Variants in ABCD2 observed in about 807,000 individuals in gnomAD.
ABCD2 encodes the protein ATP-binding cassette sub-family D member 2.
ABCD2 carries 36 observed loss-of-function variants against 70.9 expected under a neutral mutation model. The ratio of observed to expected loss-of-function variants is 0.51; its 90% CI spans 0.39 to 0.67. The LOEUF is 0.67. ABCD2 is among the 30% of genes least tolerant of loss of function. ABCD2 has a pLI of 0.00. For missense variants in ABCD2, 729 were observed against 890.2 expected (o/e 0.82, Z 2.30); for synonymous variants, 304 against 306.9 (o/e 0.99, Z 0.10).
chr12:39,607,476 C>A (rs1019522705), intron 3 of ABCD2, 123 bp downstream of exon 3: 3 of 708,004 alleles, frequency 4.2e-6, no homozygotes, highest in Admixed American at 5.5e-5. Context: ...CTTGATTATA[C>A]GCAGCAATTT....
the ABCD2 span, among the ~76,000 whole-genome samples, chr12:39,538,895 T>A: frequency 6.6e-6 from 1 of 152,120 alleles, no homozygotes; most frequent in Non-Finnish European, 1.5e-5. Flanking sequence ...TATGTAGCAG[T>A]CAGGTCAGAC....
intron 1 of ABCD2, among the ~76,000 whole-genome samples, chr12:39,618,398 T>C (rs2120797978): frequency 6.6e-6 from 1 of 152,316 alleles, no homozygotes; most frequent in Admixed American, 6.5e-5. Context: ...TTAGAAATAA[T>C]TCTGAGCATA....
intron 9 of ABCD2, among the ~76,000 whole-genome samples, chr12:39,564,244 A>G (rs1177376882): frequency 1.3e-5 from 2 of 152,194 alleles, no homozygotes; most frequent in Non-Finnish European, 2.9e-5. Context: ...AGTCCCACCA[A>G]CAGTGTAAAA....
chr12:39,566,489 T>C (rs1025155176), intron 9 of ABCD2, among the ~76,000 whole-genome samples: 4 of 152,242 alleles, frequency 2.6e-5, no homozygotes, highest in African/African-American at 7.2e-5. Context: ...CCTTTATCAT[T>C]TTTTATTGCA....
chr12:39,614,492 TC>T (rs549951452), intron 2 of ABCD2, among the ~76,000 whole-genome samples: 71 of 151,854 alleles, frequency 4.7e-4, no homozygotes, highest in Admixed American at 3.5e-3. Context: ...ATCCTCTTTT[TC>T]CCCCCTCTAC....
At chr12:39,568,008 T>G (rs893397234) in intron 9 of ABCD2, among the ~76,000 whole-genome samples, 4 of 151,924 alleles carry the variant, frequency 2.6e-5, no homozygotes, top group Admixed American at 6.6e-5. Context: ...GTTAGTCTGA[T>G]GGGCTTCCCT....
chr12:39,531,085 T>C, the ABCD2 span, among the ~76,000 whole-genome samples: 1 of 152,316 alleles, frequency 6.6e-6, no homozygotes, highest in Non-Finnish European at 1.5e-5. Context: ...TTTATCAAGC[T>C]TCAATTCCAG....
intron 9 of ABCD2, among the ~76,000 whole-genome samples, chr12:39,571,143 A>G (rs1045460785): frequency 6.6e-6 from 1 of 152,200 alleles, no homozygotes; most frequent in African/African-American, 2.4e-5. Context: ...TAGTATAGCC[A>G]TCATGGAAAA....
At chr12:39,562,532 G>A (rs949461643) in intron 9 of ABCD2, among the ~76,000 whole-genome samples, 1 of 151,916 alleles carries the variant, frequency 6.6e-6, no homozygotes, top group African/African-American at 2.4e-5. Context: ...GAAATACAAA[G>A]AATGATGAGA....
chr12:39,538,175 T>C, the ABCD2 span, among the ~76,000 whole-genome samples: 18 of 149,082 alleles, frequency 1.2e-4, no homozygotes, highest in East Asian at 2.0e-3. Flanking sequence ...TTCTTTCTTT[T>C]TTTTTTTTTT....
chr12:39,538,405 C>T, the ABCD2 span, among the ~76,000 whole-genome samples: 1 of 152,030 alleles, frequency 6.6e-6, no homozygotes, highest in Non-Finnish European at 1.5e-5. Flanking sequence ...AAACTCCTGG[C>T]CCCAAGTCAT....
intron 2 of ABCD2, among the ~76,000 whole-genome samples, chr12:39,608,040 T>A (rs1441768869): frequency 6.6e-6 from 1 of 152,036 alleles, no homozygotes; most frequent in East Asian, 1.9e-4. Flanking sequence ...TGGTGGCGCA[T>A]GCTTGTAGTC....
chr12:39,592,595 T>C (rs141566389), intron 6 of ABCD2, among the ~76,000 whole-genome samples: 2 of 152,348 alleles, frequency 1.3e-5, no homozygotes, highest in South Asian at 2.1e-4. Context: ...CCCAAAGCCA[T>C]ATTTCTTTGC....
At chr12:39,590,868 T>C (rs967166625) in intron 6 of ABCD2, among the ~76,000 whole-genome samples, 2 of 152,144 alleles carry the variant, frequency 1.3e-5, no homozygotes, top group Admixed American at 1.3e-4. Context: ...GCTGTATCTA[T>C]GTGCTTGGAG....
intron 2 of ABCD2, 92 bp downstream of exon 2, chr12:39,616,896 G>T: frequency 8.5e-7 from 1 of 1,170,338 alleles, no homozygotes. Context: ...ATATGACCAT[G>T]TACACAGTTT....
chr12:39,593,784 G>A (rs1370520197), intron 6 of ABCD2, among the ~76,000 whole-genome samples: 7 of 152,028 alleles, frequency 4.6e-5, no homozygotes, highest in Admixed American at 6.6e-5. Context: ...AGGTTTGCTT[G>A]TTTTATATCT....
chr12:39,535,859 G>A, the ABCD2 span, among the ~76,000 whole-genome samples: 1 of 152,096 alleles, frequency 6.6e-6, no homozygotes, highest in African/African-American at 2.4e-5. Flanking sequence ...ATAAAGAAAT[G>A]AGGCCAGGCG....
intron 9 of ABCD2, 114 bp downstream of exon 9, chr12:39,573,602 G>A: frequency 8.8e-7 from 1 of 1,132,810 alleles, no homozygotes; most frequent in Non-Finnish European, 1.2e-6. Flanking sequence ...AGAGAAATAT[G>A]GGTAGAAAAT....
At chr12:39,567,727 T>C (rs1381997096) in intron 9 of ABCD2, among the ~76,000 whole-genome samples, 3 of 152,248 alleles carry the variant, frequency 2.0e-5, no homozygotes, top group Non-Finnish European at 4.4e-5. Context: ...GTCTGCATGG[T>C]CTTTACAATT....
Sources: gnomAD v4.1 joint callset for allele counts (sites outside exome capture counted in the v4.1 genomes callset) on GRCh38, gnomAD v4.1.1 for gene constraint, MANE v1.5 for transcripts, NCBI Gene and HGNC (gene_info 2026-07-23, HGNC 2026-07-21) for gene names.